Variants in FBXO25 observed in about 807,000 individuals in gnomAD.
FBXO25 encodes F-box protein 25, also known as F-box only protein 25.
In FBXO25, 45 loss-of-function variants were observed where a neutral mutation model predicts 51.9. That is an observed-to-expected ratio of 0.87 (90% CI 0.68 to 1.11). The LOEUF is 1.11. Among genes scored for constraint, FBXO25 ranks in the 50% most tolerant of loss-of-function variants. The probability of loss-of-function intolerance (pLI) is 0.00; values close to 1 mark genes in which losing one functional copy is unlikely to be tolerated. For synonymous variants in FBXO25, 199 were observed against 151.0 expected (o/e 1.32, Z -2.33); for missense variants, 507 against 428.5 (o/e 1.18, Z -1.62).
intron 9 of FBXO25, among the ~76,000 whole-genome samples, chr8:466,031 T>C (rs939961532): frequency 1.4e-4 from 22 of 152,288 alleles, no homozygotes; most frequent in African/African-American, 4.1e-4. Flanking sequence ...GTCTTGCCCT[T>C]GGAGGCTGTG....
At chr8:431,691 A>T (rs1363770861) in intron 3 of FBXO25, among the ~76,000 whole-genome samples, 1 of 152,214 alleles carries the variant, frequency 6.6e-6, no homozygotes, top group East Asian at 1.9e-4. Context: ...GAATGCTTGA[A>T]TTATGGTCAT....
At chr8:424,990 C>G (rs1226293333) in intron 2 of FBXO25, among the ~76,000 whole-genome samples, 1 of 152,154 alleles carries the variant, frequency 6.6e-6, no homozygotes, top group Non-Finnish European at 1.5e-5. Flanking sequence ...AATGTTTCAT[C>G]TACTAACTTA....
At position 416,019 on chromosome 8, in the gene FBXO25, C is replaced by T. The variant is rs1303854558; in HGVS notation, c.134+2806C>T. Among the ~76,000 whole-genome samples the T allele has an allele frequency of 4.6e-5, 7 of 152,302 alleles. No individual in the cohort carries two copies. The South Asian group carries it at 6.2e-4, about 14-fold the overall frequency. On this transcript the variant is annotated intron_variant, in intron 2 of 9. Transcript: ENST00000350302. ...CAAGGGAGTGTGTAGTCAAACATAACGCATTCAGCTCAGTCTTGGCAGAGA... is the reference window on the plus strand; with the variant it reads ...CAAGGGAGTGTGTAGTCAAACATAATGCATTCAGCTCAGTCTTGGCAGAGA...
intron 7 of FBXO25, among the ~76,000 whole-genome samples, 161 bp downstream of exon 7, chr8:451,614 C>A (rs1260647403): frequency 6.6e-6 from 1 of 152,160 alleles, no homozygotes; most frequent in Non-Finnish European, 1.5e-5. Context: ...GGACCAAAGA[C>A]CCCAATGGCT....
chr8:451,537 C>A, intron 7 of FBXO25, 84 bp downstream of exon 7: 1 of 1,281,504 alleles, frequency 7.8e-7, no homozygotes, highest in Non-Finnish European at 1.1e-6. Flanking sequence ...TGAAAGACTG[C>A]TATAGCTTTT....
chr8:416,173 C>A (rs1403507930), intron 2 of FBXO25, among the ~76,000 whole-genome samples: 1 of 152,230 alleles, frequency 6.6e-6, no homozygotes, highest in African/African-American at 2.4e-5. Context: ...CGGTAGGGCC[C>A]CCATGCGGCC....
intron 8 of FBXO25, 93 bp from the exon 9 acceptor site, chr8:462,914 T>A: frequency 7.0e-7 from 1 of 1,435,646 alleles, no homozygotes; most frequent in Non-Finnish European, 9.4e-7. Context: ...AAAAAGAAAT[T>A]AAAAACTAAA....
chr8:431,840 G>A (rs532678631), intron 3 of FBXO25, among the ~76,000 whole-genome samples: 51 of 152,204 alleles, frequency 3.4e-4, no homozygotes, highest in African/African-American at 1.2e-3. Context: ...GGGGAAGGCT[G>A]GAGGTGGGAC....
intron 2 of FBXO25, among the ~76,000 whole-genome samples, chr8:422,748 C>G (rs1454047288): frequency 6.6e-6 from 1 of 152,170 alleles, no homozygotes; most frequent in East Asian, 1.9e-4. Flanking sequence ...TCAGTCGTGT[C>G]TGGGGCCTGC....
In FBXO25 at chr8:468,738, G is replaced by C. The variant is rs201979742; in HGVS notation, c.1011G>C (p.Ala337=). The C allele has an allele frequency of 6.2e-7, 1 of 1,613,888 alleles. No individual in the cohort carries two copies. The highest frequency in any genetic ancestry group is 8.5e-7 in the Non-Finnish European group (1 of 1,180,010). ...AGGACTCAGGACACCCCTGCACGGC[G>C]GCCGACCCTGACAGCTGCTTCACGC... ...FWKDSGHPCT[A]ADPDSCFTPV... Residue 337 remains alanine (A), a synonymous_variant, in exon 10 of 10, where the codon GCG becomes GCC. Coordinates refer to ENST00000350302, the MANE Select transcript of FBXO25 (RefSeq NM_183420.2).
In FBXO25 at chr8:475,127, T is replaced by G; in HGVS notation, c.*6323T>G. On this transcript the variant is annotated 3_prime_UTR_variant, in exon 10 of 10. Transcript: ENST00000350302. ...GTTTAGGCCTTTGATCTATTTTAAT[T>G]TTTATATATGGTGTGAGGTAGATCT... is the stretch of plus-strand genomic sequence containing the variant. 3 of 361,398 alleles carry G rather than the reference T, an allele frequency of 8.3e-6. No homozygotes were observed. The highest frequency in any genetic ancestry group is 4.4e-5 in the South Asian group (2 of 45,820). 22.4% of individuals were successfully genotyped at this position (361,398 alleles called of 1,614,324 possible).
intron 2 of FBXO25, among the ~76,000 whole-genome samples, chr8:415,438 G>A (rs1796738172): frequency 6.6e-6 from 1 of 152,186 alleles, no homozygotes; most frequent in Non-Finnish European, 1.5e-5. Context: ...TTTAAACATA[G>A]TTTGATAGAC....
intron 7 of FBXO25, among the ~76,000 whole-genome samples, chr8:455,979 C>G (rs1251207458): frequency 6.6e-6 from 1 of 152,232 alleles, no homozygotes; most frequent in African/African-American, 2.4e-5. Context: ...TCACACCAGA[C>G]TCTATAACTC....
chr8:459,667 A>G (rs1049767989), intron 8 of FBXO25, among the ~76,000 whole-genome samples: 1 of 152,208 alleles, frequency 6.6e-6, no homozygotes, highest in Admixed American at 6.5e-5. Context: ...TGCCACAGGA[A>G]GGGGCTGGCC....
rs1800631397 is a variant in FBXO25, at chr8:476,046, T to A, written c.*7242T>A. On this transcript the variant is annotated 3_prime_UTR_variant, in exon 10 of 10. Coordinates refer to ENST00000350302, the MANE Select transcript of FBXO25 (RefSeq NM_183420.2). Reference sequence around the variant, plus strand: ...ATGGCCTCTATTTTAGGTTGTTTCCTTCTATTCCCAATTGTTGAGTTTTTA... The same window carrying A: ...ATGGCCTCTATTTTAGGTTGTTTCCATCTATTCCCAATTGTTGAGTTTTTA... 1 of 152,184 alleles carries A rather than the reference T, an allele frequency of 6.6e-6. No individual in the cohort carries two copies. Among genetic ancestry groups the A allele is most frequent in the African/African-American group, 2.4e-5 (1 of 41,452 alleles). 9.4% of individuals were successfully genotyped at this position (152,184 alleles called of 1,614,324 possible).
chr8:407,401 C>T (rs1346961392), intron 1 of FBXO25: 2 of 983,122 alleles, frequency 2.0e-6, no homozygotes, highest in Non-Finnish European at 2.4e-6. Flanking sequence ...GACGATGGGC[C>T]GCGGGCGCGT....
chr8:429,969 T>A (rs1585034123), intron 2 of FBXO25, among the ~76,000 whole-genome samples: 3 of 152,244 alleles, frequency 2.0e-5, no homozygotes, highest in Admixed American at 6.5e-5. Flanking sequence ...GCAGAGTTGG[T>A]TCCAGCTCAG....
At chr8:431,849 A>G (rs1797836797) in intron 3 of FBXO25, among the ~76,000 whole-genome samples, 1 of 152,076 alleles carries the variant, frequency 6.6e-6, no homozygotes, top group Non-Finnish European at 1.5e-5. Flanking sequence ...TGGAGGTGGG[A>G]CCTATCTATG....
chr8:450,554 A>G (rs541845513), intron 6 of FBXO25, among the ~76,000 whole-genome samples: 13 of 152,354 alleles, frequency 8.5e-5, no homozygotes, highest in African/African-American at 3.1e-4. Flanking sequence ...ATGACTCTAT[A>G]TTTAAGCCAT....
Sources: allele counts gnomAD v4.1 joint callset (sites outside exome capture counted in the v4.1 genomes callset), GRCh38; gene constraint gnomAD v4.1.1; transcripts MANE v1.5; gene names NCBI Gene and HGNC (gene_info 2026-07-23, HGNC 2026-07-21).